The following KIRREL3 variants were observed in gnomAD, a reference collection of about 807,000 sequenced individuals.
KIRREL3 encodes kin of IRRE-like protein 3.
A neutral mutation model predicts 89.7 loss-of-function variants in KIRREL3; 36 were observed. That is an observed-to-expected ratio of 0.40 (90% CI 0.31 to 0.53). The LOEUF (loss-of-function observed/expected upper bound fraction) is 0.53. Among genes scored for constraint, KIRREL3 ranks in the 20% least tolerant of loss-of-function variants. KIRREL3 has a pLI of 0.49. For synonymous variants in KIRREL3, 445 were observed against 441.4 expected (o/e 1.01, Z -0.10); for missense variants, 864 against 1,056.6 (o/e 0.82, Z 2.53).
chr11:126,933,680 A>G (rs1296488037), intron 1 of KIRREL3, among the ~76,000 whole-genome samples: 2 of 152,022 alleles, frequency 1.3e-5, no homozygotes, highest in Non-Finnish European at 2.9e-5. Flanking sequence ...TTAAGATATC[A>G]ATTCCATTTA....
intron 1 of KIRREL3, among the ~76,000 whole-genome samples, chr11:126,878,530 AT>A (rs938805350): frequency 3.9e-5 from 6 of 152,094 alleles, no homozygotes; most frequent in Non-Finnish European, 5.9e-5. Context: ...CCCATATATA[AT>A]TTTTTTCTAA....
At chr11:126,595,459 C>T (rs1259523350) in intron 1 of KIRREL3, among the ~76,000 whole-genome samples, 1 of 152,232 alleles carries the variant, frequency 6.6e-6, no homozygotes, top group African/African-American at 2.4e-5. Flanking sequence ...GACTATTTCT[C>T]CCTTATCAAG....
intron 5 of KIRREL3, among the ~76,000 whole-genome samples, chr11:126,469,254 G>A (rs549583001): frequency 1.4e-3 from 218 of 152,392 alleles, no homozygotes; most frequent in Non-Finnish European, 1.9e-3. Context: ...CACTGAGGGC[G>A]TCAGACCCGA....
In KIRREL3 at chr11:126,451,407, CAT is replaced by C. The variant is rs781520438; in HGVS notation, c.849-2252_849-2251del. Among the ~76,000 whole-genome samples the C allele has an allele frequency of 1.2e-4, 10 of 85,650 alleles. No individual in the cohort carries two copies. The East Asian group carries it at 1.5e-3, about 13-fold the overall frequency. 56.2% of individuals were successfully genotyped at this position (85,650 alleles called of 152,430 possible). On this transcript the variant is annotated intron_variant, in intron 7 of 16. Coordinates refer to ENST00000525144, the MANE Select transcript of KIRREL3 (RefSeq NM_032531.4). The stretch of plus-strand genomic sequence containing the variant: ...GCATGTGTGAACGTGTGCATGTGTG[CAT>C]GTGTGTGCATGTGTGAGCGTGTGCA...
Position 126,441,066 on chromosome 11 carries a change from G to A in KIRREL3, c.1253-517C>T, listed in dbSNP as rs1955546460. ...GCTCGGCCAGACGGGCCAACGGGAA[G>A]AAATGGTTGCTGTCCCTCTCCTTAG... On this transcript the variant is annotated intron_variant, in intron 10 of 16. Coordinates refer to ENST00000525144, the MANE Select transcript of KIRREL3 (RefSeq NM_032531.4). This position sits in a 1 kb window ranked among gnomAD's most constrained non-coding sequence, Gnocchi z 5.0. Among the ~76,000 whole-genome samples, 1 of 152,238 alleles carries A rather than the reference G, an allele frequency of 6.6e-6. No homozygotes were observed. Among genetic ancestry groups the A allele is most frequent in the Non-Finnish European group, 1.5e-5 (1 of 68,044 alleles).
At chr11:126,504,647 C>T (rs996524991) in intron 4 of KIRREL3, among the ~76,000 whole-genome samples, 5 of 152,166 alleles carry the variant, frequency 3.3e-5, no homozygotes, top group Admixed American at 6.5e-5. Context: ...AAACACTTCC[C>T]TACTCATCCT....
rs564236523 is a variant in KIRREL3, at chr11:126,691,851, G to A, written c.56-128939C>T. Among the ~76,000 whole-genome samples, 3 of 152,090 alleles carry A rather than the reference G, an allele frequency of 2.0e-5. 1 individual carries two copies. Among genetic ancestry groups the A allele is most frequent in the South Asian group, 4.1e-4 (2 of 4,832 alleles). The stretch of plus-strand genomic sequence containing the variant: ...AAATAACCAGATTTAAAAAAAATGG[G>A]AAAAGGACTTGAATAGACATTTCTC... On this transcript the variant is annotated intron_variant, in intron 1 of 16. Transcript: ENST00000525144.
rs1423472600 is a variant in KIRREL3 at position 126,642,063 on chromosome 11, C to T, written c.56-79151G>A. ...GATGCTGCAGATGGAGCCCAGATCCCAGTGAGCGACTGCTGGGCTGTTCAC... is the reference window on the plus strand; with the variant it reads ...GATGCTGCAGATGGAGCCCAGATCCTAGTGAGCGACTGCTGGGCTGTTCAC... On this transcript the variant is annotated intron_variant, in intron 1 of 16. Transcript: ENST00000525144. This position sits in a 1 kb window ranked among gnomAD's most constrained non-coding sequence, Gnocchi z 4.9. 6.6e-6 allele frequency among the ~76,000 whole-genome samples: 1 copy of T among 152,212 alleles called. No homozygotes were observed. The highest frequency in any genetic ancestry group is 1.5e-5 in the Non-Finnish European group (1 of 68,042).
At chr11:126,888,052 C>T (rs1224486365) in intron 1 of KIRREL3, among the ~76,000 whole-genome samples, 2 of 152,188 alleles carry the variant, frequency 1.3e-5, no homozygotes, top group African/African-American at 2.4e-5. Flanking sequence ...ATGCTATACA[C>T]CCACAGTATC....
chr11:126,551,485 C>A lies in KIRREL3; in HGVS notation c.133+11350G>T, dbSNP rs754267980. ...GGATGAAATCCCCCCACCCCATGCG[C>A]CTCTATATAGAAACATGTCTAGATA... On this transcript the variant is annotated intron_variant, in intron 2 of 16. Transcript: ENST00000525144. The surrounding 1 kb of genome is among the most constrained non-coding windows in gnomAD (Gnocchi z 4.9). Among the ~76,000 whole-genome samples the A allele has an allele frequency of 5.9e-5, 9 of 152,128 alleles. No individual in the cohort carries two copies.
At chr11:126,499,954 C>A (rs1177542209) in intron 4 of KIRREL3, among the ~76,000 whole-genome samples, 1 of 152,216 alleles carries the variant, frequency 6.6e-6, no homozygotes, top group Non-Finnish European at 1.5e-5. Flanking sequence ...GCTATTTCTG[C>A]ATCTTCCCAT....
In KIRREL3 at chr11:126,883,675, C is replaced by G. The variant is rs1945590850; in HGVS notation, c.55+116780G>C. On this transcript the variant is annotated intron_variant, in intron 1 of 16. Transcript: ENST00000525144. This position sits in a 1 kb window ranked among gnomAD's most constrained non-coding sequence, Gnocchi z 4.1. ...TTACTTCCTTACACATAGACTTTTT[C>G]CATTCCCACTTCACACTGTGAGGAT... Among the ~76,000 whole-genome samples the G allele has an allele frequency of 6.6e-6, 1 of 152,146 alleles. No homozygotes were observed. Among genetic ancestry groups the G allele is most frequent in the South Asian group, 2.1e-4 (1 of 4,830 alleles).
Position 126,901,200 on chromosome 11 carries a change from C to A in KIRREL3, c.55+99255G>T, listed in dbSNP as rs145131611. On this transcript the variant is annotated intron_variant, in intron 1 of 16. Coordinates refer to ENST00000525144, the MANE Select transcript of KIRREL3 (RefSeq NM_032531.4). The stretch of plus-strand genomic sequence containing the variant: ...TTGCATTTCAGCCTGGGTAACAGAG[C>A]GAGATTCCGTCTCAAAAAAAAAAAA... Among the ~76,000 whole-genome samples the A allele has an allele frequency of 2.7e-4, 33 of 123,580 alleles. No homozygotes were observed. In the East Asian group the frequency reaches 7.9e-3, roughly 30 times the overall value. The allele number at this position is 123,580 out of a possible 152,430, so 81.1% of individuals were successfully genotyped here. A position where few individuals can be genotyped will look rare whatever the true frequency, so the allele number is the denominator to read the frequency against.
chr11:126,646,664 G>A (rs933873736), intron 1 of KIRREL3, among the ~76,000 whole-genome samples: 4 of 151,810 alleles, frequency 2.6e-5, no homozygotes. Flanking sequence ...TAGTAGAGAC[G>A]GGGTTTCACC....
chr11:126,733,991 AGGTGG>A (rs1948719321), intron 1 of KIRREL3, among the ~76,000 whole-genome samples: 1 of 152,166 alleles, frequency 6.6e-6, no homozygotes. Context: ...ACTTCAGGTG[AGGTGG>A]GAAGCAGCCC....
At position 126,566,708 on chromosome 11, in the gene KIRREL3, A is replaced by G. The variant is rs1940548320; in HGVS notation, c.56-3796T>C. 1.3e-5 allele frequency among the ~76,000 whole-genome samples: 2 copies of G among 152,298 alleles called. No individual in the cohort carries two copies. The highest frequency in any genetic ancestry group is 3.9e-4 in the East Asian group (2 of 5,184). On this transcript the variant is annotated intron_variant, in intron 1 of 16. Coordinates refer to ENST00000525144, the MANE Select transcript of KIRREL3 (RefSeq NM_032531.4). The surrounding 1 kb of genome is among the most constrained non-coding windows in gnomAD (Gnocchi z 4.9). ...TTTTCTTCCATTTCAGAGGGTGCAG[A>G]TGGGATGTTTTCTAGCCTTAGAATT...
rs1375406784 is a variant in KIRREL3 at position 126,783,863 on chromosome 11, A to G, written c.55+216592T>C. Among the ~76,000 whole-genome samples, 4 of 152,190 alleles carry G rather than the reference A, an allele frequency of 2.6e-5. No homozygotes were observed. The highest frequency in any genetic ancestry group is 3.9e-4 in the East Asian group (2 of 5,194). On this transcript the variant is annotated intron_variant, in intron 1 of 16. Coordinates refer to ENST00000525144, the MANE Select transcript of KIRREL3 (RefSeq NM_032531.4). This position sits in a 1 kb window ranked among gnomAD's most constrained non-coding sequence, Gnocchi z 4.3. ...TTTGCAGTGGAGGAAACTGACCAAT[A>G]CTATTTCAGCCAGGTGAGCAAGGTT...
chr11:126,598,399 C>G (rs1018608670), intron 1 of KIRREL3, among the ~76,000 whole-genome samples: 7 of 152,174 alleles, frequency 4.6e-5, no homozygotes, highest in African/African-American at 1.7e-4. Context: ...GATTTCCTAG[C>G]CTTCCTTAAG....
At chr11:126,657,081 G>GA (rs1282081033) in intron 1 of KIRREL3, among the ~76,000 whole-genome samples, 1 of 151,770 alleles carries the variant, frequency 6.6e-6, no homozygotes, top group Non-Finnish European at 1.5e-5. Flanking sequence ...AAAAAAAACA[G>GA]AAAAAATAAA....
Sources: gnomAD v4.1 joint callset for allele counts (sites outside exome capture counted in the v4.1 genomes callset) on GRCh38, gnomAD v4.1.1 for gene constraint, Gnocchi (gnomAD v3.1) non-coding constraint, MANE v1.5 for transcripts, NCBI Gene and HGNC (gene_info 2026-07-23, HGNC 2026-07-21) for gene names.